STPG2: variants seen among roughly 807,000 people sequenced by gnomAD.
The protein encoded by STPG2 is sperm-tail PG-rich repeat-containing protein 2.
A neutral mutation model predicts 54.2 loss-of-function variants in STPG2; 56 were observed. The ratio of observed to expected loss-of-function variants is 1.03; its 90% CI spans 0.83 to 1.29. The LOEUF (loss-of-function observed/expected upper bound fraction) is 1.29. Among genes scored for constraint, STPG2 ranks in the 50% most tolerant of loss-of-function variants. STPG2 has a pLI of 0.00. For missense variants in STPG2, 596 were observed against 544.9 expected (o/e 1.09, Z -0.93); for synonymous variants, 200 against 181.8 (o/e 1.10, Z -0.81).
chr4:98,072,608 T>C (rs370859311), intron 5 of STPG2, among the ~76,000 whole-genome samples: 1 of 112,136 alleles, frequency 8.9e-6, no homozygotes, highest in African/African-American at 3.0e-5. Context: ...TAAAATAAAA[T>C]AAAATAAAAC....
intron 10 of STPG2, among the ~76,000 whole-genome samples, chr4:97,617,380 A>T (rs1182466809): frequency 1.3e-5 from 2 of 152,138 alleles, no homozygotes; most frequent in Non-Finnish European, 2.9e-5. Flanking sequence ...GAAATGTTTT[A>T]TTCTGTGGCC....
intron 4 of STPG2, among the ~76,000 whole-genome samples, chr4:97,452,291 C>T (rs1729397680): frequency 6.6e-6 from 1 of 152,226 alleles, no homozygotes; most frequent in Admixed American, 6.5e-5. Flanking sequence ...ACACCTTCTC[C>T]AATTTTGGAG....
chr4:97,552,987 T>G (rs1462727395), intron 4 of STPG2, among the ~76,000 whole-genome samples: 1 of 152,120 alleles, frequency 6.6e-6, no homozygotes, highest in Non-Finnish European at 1.5e-5. Context: ...TCTATTAGAG[T>G]AATAACTTGC....
chr4:97,482,719 T>G (rs1238748310), intron 4 of STPG2, among the ~76,000 whole-genome samples: 2 of 151,594 alleles, frequency 1.3e-5, no homozygotes, highest in East Asian at 3.9e-4. Context: ...TTCTGGGGAA[T>G]TCATTGCAAA....
In STPG2 at chr4:98,128,496, T is replaced by C. The variant is rs757508501; in HGVS notation, c.319A>G (p.Ser107Gly). ...SYGYHINDDG[S>G]IIKCFPPACD... Reference sequence around the variant, plus strand: ...GCAGGTGGAAAACATTTTATAATACTGCCATCATCATTAATATGATAACCA... The same window carrying C: ...GCAGGTGGAAAACATTTTATAATACCGCCATCATCATTAATATGATAACCA... The change falls in exon 3 of 11, where the codon AGT (serine) becomes GGT (glycine). Residue 107 changes from serine to glycine, a missense_variant. Coordinates refer to ENST00000295268, the MANE Select transcript of STPG2 (RefSeq NM_174952.3). 6.2e-7 allele frequency: 1 copy of C among 1,613,736 alleles called. No individual in the cohort carries two copies. The highest frequency in any genetic ancestry group is 2.2e-5 in the East Asian group (1 of 44,814).
intron 9 of STPG2, among the ~76,000 whole-genome samples, chr4:97,767,362 G>T (rs988829979): frequency 1.3e-5 from 2 of 152,078 alleles, no homozygotes; most frequent in Admixed American, 6.5e-5. Context: ...ATTTTTTAAA[G>T]ATTTTTACCA....
rs187776751 is a variant in STPG2 at position 97,909,147 on chromosome 4, G to A, written c.1044+34750C>T. ...AAAAACAAACAGAAAGAGTGAAAAA[G>A]CATAAGCTAATCAGGAATTTTAAGA... On this transcript the variant is annotated intron_variant, in intron 8 of 10. Transcript: ENST00000295268. 1.7e-3 allele frequency among the ~76,000 whole-genome samples: 258 copies of A among 151,214 alleles called. 2 individuals are homozygous for A. In the Middle Eastern group the frequency reaches 0.027, roughly 16 times the overall value.
chr4:98,109,121 C>G, intron 4 of STPG2, 72 bp downstream of exon 4: 3 of 902,504 alleles, frequency 3.3e-6, no homozygotes, highest in Non-Finnish European at 4.9e-6. Flanking sequence ...TACAGCATAG[C>G]CTAGTCTGAA....
intron 5 of STPG2, among the ~76,000 whole-genome samples, chr4:98,087,560 C>CTTTTTTTT (rs70955916): frequency 4.5e-5 from 6 of 132,280 alleles, no homozygotes; most frequent in Admixed American, 7.7e-5. Flanking sequence ...CTCTTTTTTT[C>CTTTTTTTT]TTTTTTTTTT....
At chr4:97,767,701 T>C (rs914617420) in intron 9 of STPG2, among the ~76,000 whole-genome samples, 4 of 152,174 alleles carry the variant, frequency 2.6e-5, no homozygotes, top group African/African-American at 4.8e-5. Context: ...TTTGAATGTG[T>C]TATTTTAATC....
intron 7 of STPG2, among the ~76,000 whole-genome samples, chr4:97,970,018 G>A (rs1430088483): frequency 6.6e-6 from 1 of 152,118 alleles, no homozygotes; most frequent in Non-Finnish European, 1.5e-5. Context: ...ACCAATAACA[G>A]ACAAACAGAG....
chr4:98,027,354 A>G (rs1300756665), intron 5 of STPG2, among the ~76,000 whole-genome samples: 1 of 152,180 alleles, frequency 6.6e-6, no homozygotes, highest in Admixed American at 6.5e-5. Flanking sequence ...CTCACATTCA[A>G]TGCATTCATC....
At chr4:98,053,536 CA>C (rs60476128) in intron 5 of STPG2, among the ~76,000 whole-genome samples, 1,339 of 56,030 alleles carry the variant, frequency 0.024, 41 homozygotes, top group Non-Finnish European at 0.016. Flanking sequence ...AAGCAAATAA[CA>C]AAAAAAAAAT....
At chr4:97,943,200 C>A (rs1276692123) in intron 8 of STPG2, among the ~76,000 whole-genome samples, 1 of 152,126 alleles carries the variant, frequency 6.6e-6, no homozygotes, top group Non-Finnish European at 1.5e-5. Flanking sequence ...ACCCTCATGA[C>A]ATAATCACCT....
chr4:98,068,280 G>A (rs1737894349), intron 5 of STPG2, among the ~76,000 whole-genome samples: 1 of 152,000 alleles, frequency 6.6e-6, no homozygotes, highest in Admixed American at 6.6e-5. Flanking sequence ...TCTTTGACTA[G>A]GTCAAATTCC....
chr4:97,617,885 T>TA (rs1250972377), intron 10 of STPG2, among the ~76,000 whole-genome samples: 1 of 152,168 alleles, frequency 6.6e-6, no homozygotes, highest in Non-Finnish European at 1.5e-5. Context: ...ATATACATCA[T>TA]AGTCTTTAAG....
At chr4:98,062,080 A>G (rs1737678658) in intron 5 of STPG2, among the ~76,000 whole-genome samples, 2 of 152,210 alleles carry the variant, frequency 1.3e-5, no homozygotes, top group South Asian at 4.1e-4. Context: ...GTTAAAGAAA[A>G]TGTGGTACAT....
intron 8 of STPG2, among the ~76,000 whole-genome samples, chr4:97,933,060 C>T (rs1212315035): frequency 1.3e-5 from 2 of 152,128 alleles, no homozygotes; most frequent in Non-Finnish European, 1.5e-5. Context: ...AATCACTATT[C>T]TGACTGGCAT....
chr4:97,491,640 G>T (rs989424140), intron 4 of STPG2, among the ~76,000 whole-genome samples: 3 of 151,544 alleles, frequency 2.0e-5, no homozygotes, highest in African/African-American at 7.3e-5. Context: ...TACATGCAAA[G>T]GCACAGAGAC....
Sources: gnomAD v4.1 joint callset for allele counts (sites outside exome capture counted in the v4.1 genomes callset) on GRCh38, gnomAD v4.1.1 for gene constraint, MANE v1.5 for transcripts, NCBI Gene and HGNC (gene_info 2026-07-23, HGNC 2026-07-21) for gene names.